GPHN: variants seen among roughly 807,000 people sequenced by gnomAD.
GPHN encodes gephyrin.
GPHN carries 17 observed loss-of-function variants against 95.5 expected under a neutral mutation model. That is an observed-to-expected ratio of 0.18 (90% CI 0.12 to 0.27). The LOEUF (loss-of-function observed/expected upper bound fraction) is 0.27, where lower values mean the gene tolerates loss of function less well. GPHN is among the 10% of genes least tolerant of loss of function. The probability of loss-of-function intolerance (pLI) is 1.00; values close to 1 mark genes in which losing one functional copy is unlikely to be tolerated. For synonymous variants in GPHN, 320 were observed against 322.5 expected (o/e 0.99, Z 0.08); for missense variants, 660 against 978.1 (o/e 0.67, Z 4.34).
the GPHN span, among the ~76,000 whole-genome samples, chr14:67,287,900 A>C: frequency 6.6e-6 from 1 of 152,206 alleles, no homozygotes; most frequent in Non-Finnish European, 1.5e-5. Flanking sequence ...GCTTTGGTAC[A>C]TAGGAGAGAT....
chr14:67,504,011 A>G, the GPHN span, among the ~76,000 whole-genome samples: 3 of 123,732 alleles, frequency 2.4e-5, no homozygotes, highest in African/African-American at 9.4e-5. Context: ...CTATTTTTTA[A>G]TTTTTATTTT....
In GPHN at chr14:66,693,899, T is replaced by C. The variant is rs988409033; in HGVS notation, c.143+12714T>C. Among the ~76,000 whole-genome samples, 6 of 152,200 alleles carry C rather than the reference T, an allele frequency of 3.9e-5. No individual in the cohort carries two copies. The South Asian group carries it at 1.2e-3, about 32-fold the overall frequency. ...GTCCACCAGAGTAGCCAATACAATA[T>C]TGAAGAATAAGAAAAAAGTTGGAGG... On this transcript the variant is annotated intron_variant, in intron 2 of 22. Coordinates refer to ENST00000478722, the MANE Select transcript of GPHN (RefSeq NM_020806.5).
At chr14:67,571,317 C>T in the GPHN span, 1 of 163,636 alleles carries the variant, frequency 6.1e-6, no homozygotes, top group South Asian at 1.7e-4. Context: ...TTTTTTCCCC[C>T]ATCTTCTCCC....
chr14:67,012,551 T>C (rs905111875), intron 9 of GPHN, among the ~76,000 whole-genome samples: 10 of 152,158 alleles, frequency 6.6e-5, no homozygotes, highest in African/African-American at 2.2e-4. Flanking sequence ...CTAGGAGGGA[T>C]TGGGGAGAGT....
intron 8 of GPHN, among the ~76,000 whole-genome samples, chr14:66,941,566 A>G (rs1200694518): frequency 6.6e-6 from 1 of 152,060 alleles, no homozygotes; most frequent in South Asian, 2.1e-4. Flanking sequence ...CAGGAACCCT[A>G]TACAGGGACT....
the GPHN span, among the ~76,000 whole-genome samples, chr14:67,443,057 C>CA: frequency 1.3e-5 from 2 of 151,862 alleles, no homozygotes; most frequent in African/African-American, 4.8e-5. Flanking sequence ...CCTGTCTCTG[C>CA]AAAAAATACA....
At chr14:67,240,578 CAG>C in the GPHN span, among the ~76,000 whole-genome samples, 1 of 152,310 alleles carries the variant, frequency 6.6e-6, no homozygotes, top group Admixed American at 6.5e-5. Flanking sequence ...ACTGTCAAGA[CAG>C]AGACCATCCG....
chr14:67,269,079 T>C, the GPHN span, among the ~76,000 whole-genome samples: 10 of 152,222 alleles, frequency 6.6e-5, no homozygotes, highest in Non-Finnish European at 1.5e-4. Context: ...TTTGTCTCTC[T>C]ATATTTGCCT....
intron 10 of GPHN, among the ~76,000 whole-genome samples, chr14:67,056,383 CT>C (rs2075566638): frequency 6.6e-6 from 1 of 152,150 alleles, no homozygotes; most frequent in Non-Finnish European, 1.5e-5. Flanking sequence ...ACGCAGAGCA[CT>C]GATTGGTGCA....
chr14:66,980,126 A>G (rs1004236221), intron 9 of GPHN, among the ~76,000 whole-genome samples: 1 of 152,220 alleles, frequency 6.6e-6, no homozygotes, highest in African/African-American at 2.4e-5. Flanking sequence ...AGTTTGAAAT[A>G]TTGTAAGAAT....
the GPHN span, chr14:67,573,248 T>C: frequency 2.1e-6 from 3 of 1,430,716 alleles, no homozygotes; most frequent in Non-Finnish European, 3.0e-6. The surrounding 1 kb of genome is among the most constrained non-coding windows in gnomAD (Gnocchi z 4.8). Context: ...ATTTCCCCTT[T>C]CTTCATCTAC....
the GPHN span, chr14:67,350,669 C>T: frequency 6.2e-7 from 1 of 1,613,532 alleles, no homozygotes; most frequent in African/African-American, 1.3e-5. Context: ...TCTCTCATCA[C>T]TTCGCCCATC....
chr14:66,544,995 C>T (rs2059488117), intron 1 of GPHN, among the ~76,000 whole-genome samples: 1 of 152,208 alleles, frequency 6.6e-6, no homozygotes, highest in African/African-American at 2.4e-5. Context: ...CCTCCTACTA[C>T]ACAAACACGG....
chr14:67,248,090 T>A, the GPHN span, among the ~76,000 whole-genome samples: 6 of 152,218 alleles, frequency 3.9e-5, no homozygotes, highest in African/African-American at 1.4e-4. Flanking sequence ...GTGAACTTTT[T>A]TCTTTAATCT....
the GPHN span, among the ~76,000 whole-genome samples, chr14:67,289,052 C>T: frequency 4.6e-5 from 7 of 150,694 alleles, no homozygotes; most frequent in South Asian, 2.1e-4. Context: ...CTGCAACCTC[C>T]GCCACCCAGG....
At chr14:67,243,371 A>G in the GPHN span, among the ~76,000 whole-genome samples, 1 of 150,968 alleles carries the variant, frequency 6.6e-6, no homozygotes, top group Admixed American at 6.6e-5. Context: ...TATTTTTAGT[A>G]GAGACGGGGT....
intron 1 of GPHN, among the ~76,000 whole-genome samples, chr14:66,534,718 G>A (rs1466667480): frequency 6.6e-6 from 1 of 152,096 alleles, no homozygotes; most frequent in Non-Finnish European, 1.5e-5. Flanking sequence ...TGTATTGTCA[G>A]TCTTTTTAAT....
intron 2 of GPHN, among the ~76,000 whole-genome samples, chr14:66,707,272 A>G (rs1168050146): frequency 6.6e-6 from 1 of 152,234 alleles, no homozygotes; most frequent in Non-Finnish European, 1.5e-5. Flanking sequence ...TCAAGGATCT[A>G]GAACCAGAAA....
At chr14:67,682,173 T>C in the GPHN span, among the ~76,000 whole-genome samples, 3 of 152,308 alleles carry the variant, frequency 2.0e-5, no homozygotes, top group South Asian at 6.2e-4. Flanking sequence ...GAAAACTGTC[T>C]TTACTAAAGA....
Sources: gnomAD v4.1 joint callset for allele counts (sites outside exome capture counted in the v4.1 genomes callset) on GRCh38, gnomAD v4.1.1 for gene constraint, Gnocchi (gnomAD v3.1) non-coding constraint, MANE v1.5 for transcripts, NCBI Gene and HGNC (gene_info 2026-07-23, HGNC 2026-07-21) for gene names.